The following SDCCAG8 variants were observed in gnomAD, a reference collection of about 807,000 sequenced individuals.
SDCCAG8 encodes the protein serologically defined colon cancer antigen 8.
Under a neutral mutation model 101.8 loss-of-function variants are expected in SDCCAG8, and 74 were observed. The ratio of observed to expected loss-of-function variants is 0.73; its 90% confidence interval spans 0.60 to 0.88. The LOEUF (loss-of-function observed/expected upper bound fraction) is 0.88, where lower values mean the gene tolerates loss of function less well. SDCCAG8 is among the 40% of genes least tolerant of loss of function. The pLI, the probability that SDCCAG8 is intolerant of heterozygous loss-of-function variation, is 0.00. For missense variants in SDCCAG8, 787 were observed against 822.6 expected (o/e 0.96, Z 0.53); for synonymous variants, 281 against 292.9 (o/e 0.96, Z 0.41).
At chr1:243,444,357 T>TTTTG (rs750180797) in intron 16 of SDCCAG8, among the ~76,000 whole-genome samples, 5 of 152,114 alleles carry the variant, frequency 3.3e-5, no homozygotes, top group Admixed American at 1.3e-4. Context: ...ACTAAAGTTT[T>TTTTG]TTTGTTTGTT....
chr1:243,392,939 T>TGGGCA (rs1406870535), intron 13 of SDCCAG8, among the ~76,000 whole-genome samples: 1 of 152,008 alleles, frequency 6.6e-6, no homozygotes, highest in African/African-American at 2.4e-5. Flanking sequence ...TTAAAGAAAA[T>TGGGCA]GAAATGGGCA....
At position 243,416,884 on chromosome 1, in the gene SDCCAG8, G is replaced by T. The variant is rs2080622311; in HGVS notation, c.1744+1055G>T. On this transcript the variant is annotated intron_variant, in intron 14 of 17. Coordinates refer to ENST00000366541, the MANE Select transcript of SDCCAG8 (RefSeq NM_006642.5). The surrounding 1 kb of genome is among the most constrained non-coding windows in gnomAD (Gnocchi z 4.3). ...TGCCTTGATTTATTTTGATTTGTATGCTATATGCTTTTTGCCAATCATTGG... is the reference window on the plus strand; with the variant it reads ...TGCCTTGATTTATTTTGATTTGTATTCTATATGCTTTTTGCCAATCATTGG... Among the ~76,000 whole-genome samples, 1 of 152,106 alleles carries T rather than the reference G, an allele frequency of 6.6e-6. No homozygotes were observed. The highest frequency in any genetic ancestry group is 2.4e-5 in the African/African-American group (1 of 41,418).
At chr1:243,447,186 T>C (rs1052504772) in intron 16 of SDCCAG8, among the ~76,000 whole-genome samples, 5 of 138,704 alleles carry the variant, frequency 3.6e-5, no homozygotes, top group African/African-American at 1.1e-4. Flanking sequence ...GAGGCAGAGG[T>C]TGCAGTGAGC....
intron 13 of SDCCAG8, among the ~76,000 whole-genome samples, chr1:243,392,005 G>A (rs112184483): frequency 0.01 from 1,537 of 152,284 alleles, 20 homozygotes; most frequent in African/African-American, 0.033. Context: ...GCTTGAGCTT[G>A]ACAGTCGTCC....
chr1:243,318,446 A>C, intron 9 of SDCCAG8: 369 of 428,998 alleles, frequency 8.6e-4, no homozygotes, highest in Non-Finnish European at 1.1e-3. Flanking sequence ...TGTATAACAA[A>C]ACCCCGTGAC....
intron 16 of SDCCAG8, among the ~76,000 whole-genome samples, chr1:243,477,996 C>G (rs1662761621): frequency 6.6e-6 from 1 of 152,212 alleles, no homozygotes; most frequent in South Asian, 2.1e-4. Context: ...AACCATTAGT[C>G]TACAATAGAT....
chr1:243,313,796 G>A (rs781215286), intron 8 of SDCCAG8, among the ~76,000 whole-genome samples: 2 of 152,152 alleles, frequency 1.3e-5, no homozygotes, highest in Non-Finnish European at 2.9e-5. Flanking sequence ...TGTGGATTGC[G>A]GGATCTAGAG....
Position 243,499,738 on chromosome 1 carries a change from TTTTA to T in SDCCAG8, c.2113-15_2113-12del. 1 of 1,603,020 alleles carries T rather than the reference TTTTA, an allele frequency of 6.2e-7. No individual in the cohort carries two copies. Among genetic ancestry groups the T allele is most frequent in the Non-Finnish European group, 8.5e-7 (1 of 1,170,130 alleles). On this transcript the variant is annotated splice_polypyrimidine_tract_variant and intron_variant, in intron 17 of 17. Coordinates refer to ENST00000366541, the MANE Select transcript of SDCCAG8 (RefSeq NM_006642.5). ...AGAACATGAGCTATTGAAACTTACT[TTTTA>T]TTATTTTTTCCAGTTACCCAGCATG...
intron 5 of SDCCAG8, among the ~76,000 whole-genome samples, chr1:243,287,469 A>T (rs1468172844): frequency 1.3e-5 from 2 of 150,332 alleles, no homozygotes; most frequent in African/African-American, 4.9e-5. Flanking sequence ...GGAGTTGTAT[A>T]TGTTAGGGTT....
At chr1:243,310,904 C>T (rs1028188006) in intron 8 of SDCCAG8, among the ~76,000 whole-genome samples, 17 of 152,242 alleles carry the variant, frequency 1.1e-4, no homozygotes, top group South Asian at 1.0e-3. Context: ...AAGAACAACC[C>T]GTCAGACTGA....
chr1:243,454,299 A>G (rs561477127), intron 16 of SDCCAG8, among the ~76,000 whole-genome samples: 2 of 152,262 alleles, frequency 1.3e-5, no homozygotes, highest in South Asian at 4.1e-4. Context: ...CTTTGAAACT[A>G]TGAAACTGAG....
At chr1:243,478,415 T>C (rs1005825726) in intron 16 of SDCCAG8, among the ~76,000 whole-genome samples, 1 of 152,148 alleles carries the variant, frequency 6.6e-6, no homozygotes, top group Non-Finnish European at 1.5e-5. Flanking sequence ...TATGATTCTT[T>C]TCATGAGAAG....
At chr1:243,293,411 A>G in intron 6 of SDCCAG8, 192 bp downstream of exon 6, 1 of 725,618 alleles carries the variant, frequency 1.4e-6, no homozygotes, top group South Asian at 1.5e-5. Context: ...CTTTTTGATC[A>G]TCTCAAACAA....
intron 16 of SDCCAG8, among the ~76,000 whole-genome samples, chr1:243,427,123 T>C (rs1573979876): frequency 6.6e-6 from 1 of 152,192 alleles, no homozygotes; most frequent in African/African-American, 2.4e-5. Flanking sequence ...GATGGAAAGA[T>C]CAAATATAAT....
intron 11 of SDCCAG8, among the ~76,000 whole-genome samples, chr1:243,343,861 C>A (rs1328709226): frequency 6.6e-6 from 1 of 152,138 alleles, no homozygotes; most frequent in African/African-American, 2.4e-5. Flanking sequence ...TGAATAATAA[C>A]ATAGCTTAAC....
intron 13 of SDCCAG8, among the ~76,000 whole-genome samples, chr1:243,390,765 CAAT>C (rs1050564933): frequency 6.6e-6 from 1 of 152,048 alleles, no homozygotes; most frequent in Non-Finnish European, 1.5e-5. Flanking sequence ...GACTCAACAA[CAAT>C]GAGCATCAGG....
At chr1:243,314,494 T>C (rs1304537772) in intron 8 of SDCCAG8, among the ~76,000 whole-genome samples, 1 of 152,224 alleles carries the variant, frequency 6.6e-6, no homozygotes, top group Non-Finnish European at 1.5e-5. Flanking sequence ...TCACCTCTTT[T>C]GACACCATCC....
chr1:243,277,140 G>C (rs1055257655), intron 4 of SDCCAG8, among the ~76,000 whole-genome samples: 4 of 152,194 alleles, frequency 2.6e-5, no homozygotes, highest in African/African-American at 7.2e-5. Context: ...GTGGACATCT[G>C]TTTTTACCTC....
intron 6 of SDCCAG8, among the ~76,000 whole-genome samples, chr1:243,298,456 C>T (rs1417201875): frequency 7.0e-6 from 1 of 143,258 alleles, no homozygotes; most frequent in African/African-American, 2.6e-5. Context: ...CTCCCGGGTT[C>T]AAGCGATTCT....
Sources: gnomAD v4.1 joint callset for allele counts (sites outside exome capture counted in the v4.1 genomes callset) on GRCh38, gnomAD v4.1.1 for gene constraint, Gnocchi (gnomAD v3.1) non-coding constraint, MANE v1.5 for transcripts, NCBI Gene and HGNC (gene_info 2026-07-23, HGNC 2026-07-21) for gene names.